ZNF70: variants seen among roughly 807,000 people sequenced by gnomAD.
ZNF70 encodes zinc finger protein 70.
Under a neutral mutation model 37.7 loss-of-function variants are expected in ZNF70, and 18 were observed. That is an observed-to-expected ratio of 0.48 (90% CI 0.33 to 0.71). The LOEUF is 0.71. Among genes scored for constraint, ZNF70 ranks in the 30% least tolerant of loss-of-function variants. ZNF70 has a pLI of 0.02. For missense variants in ZNF70, 506 were observed against 568.6 expected, an observed-to-expected ratio of 0.89 and a Z score of 1.12; for synonymous variants, 219 against 220.1, an observed-to-expected ratio of 0.99 and a Z score of 0.05.
chr22:23,744,007 C>A lies in ZNF70; in HGVS notation c.1134G>T (p.Ala378=). 6.2e-7 allele frequency: 1 copy of A among 1,613,950 alleles called. No homozygotes were observed. Among genetic ancestry groups the A allele is most frequent in the Non-Finnish European group, 8.5e-7 (1 of 1,179,972 alleles). The change falls in exon 2 of 2, where the codon GCG becomes GCT. Residue 378 remains alanine (A), a synonymous_variant. Transcript: ENST00000341976. ...TGTGGATTCTCTGGTGCTGGATCAG[C>A]GCAGAGCTGTGGCAAAAGGCCTTGC... ...QCGKAFCHSS[A]LIQHQRIHTG...
chr22:23,746,201 C>CTTT lies in ZNF70; in HGVS notation c.-79-985_-79-983dup, dbSNP rs760293135. 7.9e-3 allele frequency among the ~76,000 whole-genome samples: 897 copies of CTTT among 114,116 alleles called. 10 individuals are homozygous for CTTT. Among genetic ancestry groups the CTTT allele is most frequent in the African/African-American group, 0.012 (364 of 31,636 alleles). 74.9% of individuals were successfully genotyped at this position (114,116 alleles called of 152,430 possible). A position where few individuals can be genotyped will look rare whatever the true frequency, so the allele number is the denominator to read the frequency against. On this transcript the variant is annotated intron_variant, in intron 1 of 1. Transcript: ENST00000341976. Reference sequence around the variant, plus strand: ...ACATAAGCCTGATTATGGTGGTTCCCTTTTTTTTTTTTTTTTTTTTTTTGA... The same window carrying CTTT: ...ACATAAGCCTGATTATGGTGGTTCCCTTTTTTTTTTTTTTTTTTTTTTTTTTGA...
At chr22:23,745,412 A>G (rs1244993457) in intron 1 of ZNF70, among the ~76,000 whole-genome samples, 193 bp from the exon 2 acceptor site, 1 of 152,186 alleles carries the variant, frequency 6.6e-6, no homozygotes, top group South Asian at 2.1e-4. Flanking sequence ...GACAGACACA[A>G]TCAAGTGCCA....
rs112906562 is a variant in ZNF70 at position 23,745,074 on chromosome 22, G to A, written c.67C>T (p.Gln23Ter). 1.9e-6 allele frequency: 3 copies of A among 1,614,054 alleles called. No individual in the cohort carries two copies. In the South Asian group the frequency reaches 3.3e-5, roughly 18 times the overall value. ...AGGTCCTCCCCTGGGAAAAGCCCTT[G>A]TTGTGACTCTAACCTGTTCTCAAAT... ...FAFENRLESQ[Q>*]GLFPGEDLGD... Residue 23 changes from glutamine (Q) to a stop codon, truncating the protein, a stop_gained, in exon 2 of 2, where the codon CAA (glutamine) becomes TAA (stop). Coordinates refer to ENST00000341976, the MANE Select transcript of ZNF70 (RefSeq NM_021916.4). LOFTEE classifies it high-confidence loss of function.
At chr22:23,747,598 G>C (rs899620506) in intron 1 of ZNF70, among the ~76,000 whole-genome samples, 2 of 152,108 alleles carry the variant, frequency 1.3e-5, no homozygotes, top group Admixed American at 6.6e-5. Flanking sequence ...TTGGGAAGCC[G>C]AGGTGGGCAG....
intron 1 of ZNF70, among the ~76,000 whole-genome samples, chr22:23,745,898 T>G (rs1258407154): frequency 6.6e-6 from 1 of 152,178 alleles, no homozygotes; most frequent in African/African-American, 2.4e-5. Flanking sequence ...AGCTCTTCCC[T>G]CTACCCTCCA....
intron 1 of ZNF70, among the ~76,000 whole-genome samples, chr22:23,747,468 T>C (rs987760029): frequency 5.3e-5 from 8 of 151,938 alleles, no homozygotes; most frequent in East Asian, 1.9e-4. Flanking sequence ...CATGGAAAAA[T>C]TGTCTTCTGC....
chr22:23,744,668 T>A lies in ZNF70; in HGVS notation c.473A>T (p.His158Leu), dbSNP rs750278322. 3 of 1,612,904 alleles carry A rather than the reference T, an allele frequency of 1.9e-6. No individual in the cohort carries two copies. The African/African-American group carries it at 4.0e-5, about 22-fold the overall frequency. ...AFSQSSHLLRHLVIHTGEKPY... is the reference protein window; with the variant it reads ...AFSQSSHLLRLLVIHTGEKPY... ...CTTCTCCCCAGTGTGGATCACCAGG[T>A]GTCGGAGCAGGTGCGAGCTCTGGCT... Residue 158 changes from histidine to leucine, a missense_variant, in exon 2 of 2, where the codon CAC becomes CTC. Coordinates refer to ENST00000341976, the MANE Select transcript of ZNF70 (RefSeq NM_021916.4).
At position 23,743,811 on chromosome 22, in the gene ZNF70, C is replaced by G. The variant is rs1377723671; in HGVS notation, c.1330G>C (p.Glu444Gln). The change falls in exon 2 of 2, where the codon GAG (glutamate) becomes CAG (glutamine). Residue 444 changes from glutamate to glutamine, a missense_variant. Physicochemically the swap from Glu to Gln is conservative, Grantham distance 29 (BLOSUM62 2). Transcript: ENST00000341976. ...LIRHQKIHSG[E>Q]KL ...GTGGGCTCCTCTTTCTATAGCTTCT[C>G]CCCAGAATGAATCTTCTGATGGCGA... 1 of 1,613,534 alleles carries G rather than the reference C, an allele frequency of 6.2e-7. No homozygotes were observed. Among genetic ancestry groups the G allele is most frequent in the African/African-American group, 1.3e-5 (1 of 74,932 alleles).
In ZNF70 at chr22:23,738,810, G is replaced by C. The variant is rs960370194; in HGVS notation, c.*4990C>G. 9.9e-5 allele frequency: 15 copies of C among 152,124 alleles called. No individual in the cohort carries two copies. The highest frequency in any genetic ancestry group is 7.9e-4 in the Admixed American group (12 of 15,242). The allele number at this position is 152,124 out of a possible 1,614,324, so 9.4% of individuals were successfully genotyped here. On this transcript the variant is annotated 3_prime_UTR_variant, in exon 2 of 2. Coordinates refer to ENST00000341976, the MANE Select transcript of ZNF70 (RefSeq NM_021916.4). ...ATTAAAAGTGAAACAGGAATACATA[G>C]AGATATAACACACAAACATCAAACT... is the stretch of plus-strand genomic sequence containing the variant.
chr22:23,744,336 G>C lies in ZNF70; in HGVS notation c.805C>G (p.Gln269Glu). 3 of 1,614,002 alleles carry C rather than the reference G, an allele frequency of 1.9e-6. No individual in the cohort carries two copies. The highest frequency in any genetic ancestry group is 2.5e-6 in the Non-Finnish European group (3 of 1,179,996). Residue 269 changes from glutamine (Q) to glutamate (E), a missense_variant, in exon 2 of 2, where the codon CAG becomes GAG. Coordinates refer to ENST00000341976, the MANE Select transcript of ZNF70 (RefSeq NM_021916.4). ...TTTAGGGTGTGGATCTTCCGATGCT[G>C]GCTCAGGCCTGAGCTCTGGTTGAAG... ...KSFNQSSGLS[Q>E]HRKIHTLKKP... is the part of the protein sequence containing the mutation.
intron 1 of ZNF70, among the ~76,000 whole-genome samples, chr22:23,749,833 C>G (rs973904854): frequency 6.6e-6 from 1 of 152,110 alleles, no homozygotes; most frequent in Admixed American, 6.6e-5. Flanking sequence ...CTCTCTCACT[C>G]AATTTGTGCT....
At position 23,744,755 on chromosome 22, in the gene ZNF70, G is replaced by A. The variant is rs1198929140; in HGVS notation, c.386C>T (p.Ala129Val). 5 of 1,614,112 alleles carry A rather than the reference G, an allele frequency of 3.1e-6. No homozygotes were observed. In the African/African-American group the frequency reaches 6.7e-5, roughly 22 times the overall value. The part of the protein sequence containing the change: ...ETDRGDSGPN[A>V]PHRTPQPAKP... Reference sequence around the variant, plus strand: ...GGCTGGTTGTGGGGTTCTGTGAGGTGCGTTAGGTCCTGAGTCCCCTCTGTC... The same window carrying A: ...GGCTGGTTGTGGGGTTCTGTGAGGTACGTTAGGTCCTGAGTCCCCTCTGTC... Residue 129 changes from alanine (A) to valine (V), a missense_variant, in exon 2 of 2, where the codon GCA becomes GTA. Transcript: ENST00000341976.
Position 23,743,831 on chromosome 22 carries a change from T to G in ZNF70, c.1310A>C (p.His437Pro). ...SFRGSSHLIR[H>P]QKIHSGEKL ...CTTCTCCCCAGAATGAATCTTCTGA[T>G]GGCGAATCAGGTGCGAGCTCCCCCG... Residue 437 changes from histidine to proline, a missense_variant, in exon 2 of 2, where the codon CAT (histidine) becomes CCT (proline). Physicochemically the swap from His to Pro is moderately conservative, Grantham distance 77. Coordinates refer to ENST00000341976, the MANE Select transcript of ZNF70 (RefSeq NM_021916.4). 6.2e-7 allele frequency: 1 copy of G among 1,614,160 alleles called. No individual in the cohort carries two copies. The highest frequency in any genetic ancestry group is 8.5e-7 in the Non-Finnish European group (1 of 1,179,990).
At position 23,744,577 on chromosome 22, in the gene ZNF70, G is replaced by A. The variant is rs779952946; in HGVS notation, c.564C>T (p.Ile188=). ...SQSSHLLRHQ[I]IHTGEKPYEC... The stretch of plus-strand genomic sequence containing the variant: ...CGTAGGGCTTCTCCCCGGTGTGGAT[G>A]ATCTGGTGCCTGAGCAGGTGGGAGC... Residue 188 remains isoleucine, a synonymous_variant, in exon 2 of 2, where the codon ATC becomes ATT. Coordinates refer to ENST00000341976, the MANE Select transcript of ZNF70 (RefSeq NM_021916.4). 1 of 1,611,038 alleles carries A rather than the reference G, an allele frequency of 6.2e-7. No individual in the cohort carries two copies. The highest frequency in any genetic ancestry group is 8.5e-7 in the Non-Finnish European group (1 of 1,178,938).
At chr22:23,746,993 C>A (rs184357664) in intron 1 of ZNF70, among the ~76,000 whole-genome samples, 125 of 152,282 alleles carry the variant, frequency 8.2e-4, no homozygotes, top group African/African-American at 2.6e-3. Context: ...CTTGAAAATT[C>A]CCTAAGGGCA....
Position 23,743,690 on chromosome 22 carries a change from G to T in ZNF70, c.*110C>A. The T allele has an allele frequency of 6.9e-7, 1 of 1,447,176 alleles. No homozygotes were observed. The highest frequency in any genetic ancestry group is 9.3e-7 in the Non-Finnish European group (1 of 1,074,232). The allele number at this position is 1,447,176 out of a possible 1,614,324, so 89.6% of individuals were successfully genotyped here. ...GGGATGTTCAAGAGCGCTTAGGTGG[G>T]AAGGTTTCCATTCAGCATCAGGGAG... On this transcript the variant is annotated 3_prime_UTR_variant, in exon 2 of 2. Coordinates refer to ENST00000341976, the MANE Select transcript of ZNF70 (RefSeq NM_021916.4).
chr22:23,750,596 C>T (rs1394410053), intron 1 of ZNF70, 115 bp downstream of exon 1: 1 of 152,268 alleles, frequency 6.6e-6, no homozygotes, highest in Non-Finnish European at 1.5e-5. Flanking sequence ...TATATAGCCC[C>T]TACACCCTGA....
At position 23,739,118 on chromosome 22, in the gene ZNF70, A is replaced by G. The variant is rs1924800234; in HGVS notation, c.*4682T>C. On this transcript the variant is annotated 3_prime_UTR_variant, in exon 2 of 2. Transcript: ENST00000341976. ...AATTGAGTTAACAAATAGAACTGGT[A>G]GAATAAAAACACATTTTGAGATTAC... 6.6e-6 allele frequency: 1 copy of G among 152,216 alleles called. No individual in the cohort carries two copies. Among genetic ancestry groups the G allele is most frequent in the Non-Finnish European group, 1.5e-5 (1 of 68,038 alleles). The allele number at this position is 152,216 out of a possible 1,614,324, so 9.4% of individuals were successfully genotyped here.
intron 1 of ZNF70, among the ~76,000 whole-genome samples, chr22:23,747,693 G>C (rs939367239): frequency 6.6e-6 from 1 of 152,078 alleles, no homozygotes; most frequent in East Asian, 1.9e-4. Context: ...TTAGCCAGGC[G>C]TGGTGGCAGG....
Sources: allele counts gnomAD v4.1 joint callset (sites outside exome capture counted in the v4.1 genomes callset), GRCh38; gene constraint gnomAD v4.1.1; transcripts MANE v1.5; gene names NCBI Gene and HGNC (gene_info 2026-07-23, HGNC 2026-07-21).